PIEZO1: variants seen among roughly 807,000 people sequenced by gnomAD.
The protein encoded by PIEZO1 is piezo type mechanosensitive ion channel component 1 (Er blood group).
Under a neutral mutation model 297.2 loss-of-function variants are expected in PIEZO1, and 296 were observed. That is an observed-to-expected ratio of 1.00 (90% CI 0.91 to 1.10). The LOEUF (loss-of-function observed/expected upper bound fraction) is 1.10, where lower values mean the gene tolerates loss of function less well. Ranked by LOEUF, PIEZO1 falls within the 50% of genes least tolerant of loss-of-function variation. The pLI, the probability that PIEZO1 is intolerant of heterozygous loss-of-function variation, is 0.00. For missense variants in PIEZO1, 5,018 were observed against 3,455.5 expected (o/e 1.45, Z -11.34); for synonymous variants, 2,427 against 1,507.5 (o/e 1.61, Z -14.13).
chr16:88,746,087 C>T (rs1906039987), intron 2 of PIEZO1, among the ~76,000 whole-genome samples: 2 of 152,212 alleles, frequency 1.3e-5, no homozygotes, highest in Non-Finnish European at 2.9e-5. Flanking sequence ...ATGGGGTGTG[C>T]ATGGGACCAG....
intron 10 of PIEZO1, chr16:88,736,973 G>C: frequency 2.3e-6 from 1 of 439,418 alleles, no homozygotes; most frequent in South Asian, 3.2e-5. Flanking sequence ...GAAAGGGTGG[G>C]AAAGGTGGCC....
At chr16:88,734,212 C>T (rs1416522681) in intron 16 of PIEZO1, 144 bp downstream of exon 16, 2 of 1,176,220 alleles carry the variant, frequency 1.7e-6, no homozygotes, top group African/African-American at 1.5e-5. Context: ...GACCTCCACG[C>T]TACTGCCATC....
Position 88,735,212 on chromosome 16 carries a change from C to T in PIEZO1, c.1592G>A (p.Arg531His), listed in dbSNP as rs764555977. ...CAGCAGCTTCTCTTTCACAAACTGG[C>T]GCAGCAGGAGCCAGAAGGTCAGGGT... Reference protein sequence around the residue: ...LYTLTFWLLLRQFVKEKLLKW... With the variant: ...LYTLTFWLLLHQFVKEKLLKW... The change falls in exon 13 of 51, where the codon CGC (arginine) becomes CAC (histidine). Residue 531 changes from arginine (R) to histidine (H), a missense_variant. By Grantham distance (29) the Arg-to-His change is conservative. Transcript: ENST00000301015. 160 of 1,550,270 alleles carry T rather than the reference C, an allele frequency of 1.0e-4. No individual in the cohort carries two copies. The highest frequency in any genetic ancestry group is 1.3e-4 in the Non-Finnish European group (149 of 1,146,920).
rs771213718 is a variant in PIEZO1, at chr16:88,733,353, G to A, written c.2589C>T (p.Cys863=). The A allele has an allele frequency of 1.4e-5, 22 of 1,550,110 alleles. No homozygotes were observed. In the South Asian group the frequency reaches 1.7e-4, roughly 12 times the overall value. The stretch of plus-strand genomic sequence containing the variant: ...ACAGCATCTTACACACGATGATGAC[G>A]CAGGTCCACACGGTGGACAGGCAGG... The part of the protein sequence containing the change: ...MASCLSTVWT[C]VIIVCKMLYQ... The change falls in exon 19 of 51, where the codon TGC becomes TGT. Residue 863 remains cysteine (C), a synonymous_variant. Transcript: ENST00000301015.
intron 10 of PIEZO1, chr16:88,737,342 G>C (rs1261323390): frequency 7.5e-6 from 4 of 530,634 alleles, no homozygotes; most frequent in Non-Finnish European, 1.0e-5. Flanking sequence ...CAGCTGCCCT[G>C]GGGGTCTTGG....
At chr16:88,774,128 G>C (rs1341566597) in intron 1 of PIEZO1, among the ~76,000 whole-genome samples, 4 of 152,226 alleles carry the variant, frequency 2.6e-5, no homozygotes, top group African/African-American at 9.6e-5. Context: ...GGCGTGGCCT[G>C]AGCTTCTAAG....
intron 27 of PIEZO1, 50 bp from the exon 28 acceptor site, chr16:88,725,734 A>G (rs1239910375): frequency 1.0e-6 from 1 of 968,478 alleles, no homozygotes; most frequent in Non-Finnish European, 1.6e-6. Context: ...CGACCCCAGC[A>G]ACATGGGCAG....
At chr16:88,733,775 AC>A in intron 17 of PIEZO1, 30 bp from the exon 18 acceptor site, 1 of 1,497,742 alleles carries the variant, frequency 6.7e-7, no homozygotes, top group Non-Finnish European at 8.9e-7. Flanking sequence ...AGTGCGGGGC[AC>A]AAACGGGGAT....
intron 19 of PIEZO1, chr16:88,732,953 GAGA>G (rs1422004159): frequency 5.1e-6 from 3 of 591,004 alleles, no homozygotes; most frequent in Admixed American, 6.1e-5. Flanking sequence ...GAGGTCCAGG[GAGA>G]AGGAGGGATG....
At chr16:88,782,892 CA>C (rs1209311525) in intron 1 of PIEZO1, among the ~76,000 whole-genome samples, 3 of 152,230 alleles carry the variant, frequency 2.0e-5, no homozygotes, top group Non-Finnish European at 4.4e-5. Context: ...CCATCTCCCC[CA>C]GGTGACTGAG....
chr16:88,761,309 G>C (rs1411233843), intron 1 of PIEZO1, among the ~76,000 whole-genome samples: 1 of 152,182 alleles, frequency 6.6e-6, no homozygotes, highest in Non-Finnish European at 1.5e-5. Flanking sequence ...AGGAGGGGAG[G>C]GTTCCCCAGG....
At chr16:88,717,252 T>C in intron 44 of PIEZO1, 41 bp from the exon 45 acceptor site, 1 of 1,519,190 alleles carries the variant, frequency 6.6e-7, no homozygotes, top group South Asian at 1.2e-5. Context: ...AGCTCTGCCC[T>C]TCCTGCGGGT....
At position 88,725,532 on chromosome 16, in the gene PIEZO1, A is replaced by G. The variant is rs1198732182; in HGVS notation, c.4059-13T>C. On this transcript the variant is annotated splice_polypyrimidine_tract_variant and intron_variant, in intron 28 of 50. Transcript: ENST00000301015. Reference sequence around the variant, plus strand: ...GATACGCTCCATCCTGTGGTGGGGAAAGGTGGGGTATGCTGAGCATTGGGG... The same window carrying G: ...GATACGCTCCATCCTGTGGTGGGGAGAGGTGGGGTATGCTGAGCATTGGGG... 1.3e-6 allele frequency: 2 copies of G among 1,537,040 alleles called. No homozygotes were observed. Among genetic ancestry groups the G allele is most frequent in the Admixed American group, 2.0e-5 (1 of 50,260 alleles).
chr16:88,724,003 C>T lies in PIEZO1; in HGVS notation c.4235-32G>A, dbSNP rs1379540445. 6 of 1,329,176 alleles carry T rather than the reference C, an allele frequency of 4.5e-6. No individual in the cohort carries two copies. In the South Asian group the frequency reaches 6.3e-5, roughly 14 times the overall value. 82.3% of individuals were successfully genotyped at this position (1,329,176 alleles called of 1,614,324 possible). On this transcript the variant is annotated intron_variant, in intron 30 of 50. Transcript: ENST00000301015. The stretch of plus-strand genomic sequence containing the variant: ...GCAGGCAGCACTGAGAGCCAGCCTT[C>T]CATGCAGGGAGACTCCCAGCCAGAC...
intron 1 of PIEZO1, among the ~76,000 whole-genome samples, chr16:88,754,019 C>T (rs1231226004): frequency 2.0e-5 from 3 of 152,228 alleles, no homozygotes; most frequent in Admixed American, 6.5e-5. Flanking sequence ...CCTGTGACCC[C>T]GTGGGGGTAA....
At position 88,726,321 on chromosome 16, in the gene PIEZO1, T is replaced by G. The variant is rs941138321; in HGVS notation, c.3931A>C (p.Arg1311=). The stretch of plus-strand genomic sequence containing the variant: ...AGGGCGGTGGCCTGGAGGTCGGCCC[T>G]GACGTGCAGGTAGTAATGGCTAAGG... ...VFLSHYYLHV[R]ADLQATALLA... Residue 1311 remains arginine, a synonymous_variant, in exon 27 of 51, where the codon AGG becomes CGG. Transcript: ENST00000301015. 4 of 1,550,226 alleles carry G rather than the reference T, an allele frequency of 2.6e-6. No homozygotes were observed. The highest frequency in any genetic ancestry group is 1.4e-5 in the African/African-American group (1 of 73,166).
At chr16:88,746,150 G>A (rs1434015473) in intron 2 of PIEZO1, among the ~76,000 whole-genome samples, 1 of 152,228 alleles carries the variant, frequency 6.6e-6, no homozygotes, top group African/African-American at 2.4e-5. Context: ...CCCAGCGACA[G>A]CTAGGGCTGA....
intron 2 of PIEZO1, among the ~76,000 whole-genome samples, chr16:88,748,499 C>T (rs1021655086): frequency 1.3e-5 from 2 of 148,996 alleles, no homozygotes; most frequent in Non-Finnish European, 3.0e-5. Context: ...CCCCCCCCCC[C>T]CCGCACAAGT....
At chr16:88,762,824 G>C (rs1426926293) in intron 1 of PIEZO1, among the ~76,000 whole-genome samples, 1 of 152,188 alleles carries the variant, frequency 6.6e-6, no homozygotes, top group Non-Finnish European at 1.5e-5. Context: ...ACCAGGCCTA[G>C]CTGAGAAGGA....
Sources: allele counts gnomAD v4.1 joint callset (sites outside exome capture counted in the v4.1 genomes callset), GRCh38; gene constraint gnomAD v4.1.1; transcripts MANE v1.5; gene names NCBI Gene and HGNC (gene_info 2026-07-23, HGNC 2026-07-21).